ZBTB20: variants seen among roughly 807,000 people sequenced by gnomAD.
ZBTB20 encodes zinc finger and BTB domain-containing protein 20.
A neutral mutation model predicts 56.9 loss-of-function variants in ZBTB20; 9 were observed. That is an observed-to-expected ratio of 0.16 (90% CI 0.10 to 0.28). The LOEUF is 0.28. Ranked by LOEUF, ZBTB20 falls within the 10% of genes least tolerant of loss-of-function variation. The pLI is 1.00. For synonymous variants in ZBTB20, 417 were observed against 420.7 expected, an observed-to-expected ratio of 0.99 and a Z score of 0.11; for missense variants, 655 against 1,003.0, an observed-to-expected ratio of 0.65 and a Z score of 4.69.
chr3:114,966,633 T>G (rs1308672342), intron 3 of ZBTB20, among the ~76,000 whole-genome samples: 1 of 151,978 alleles, frequency 6.6e-6, no homozygotes, highest in African/African-American at 2.4e-5. Flanking sequence ...AGACTGAATC[T>G]CAAATCCAGT....
rs571278674 is a variant in ZBTB20, at chr3:114,532,653, C to T, written c.-294-32262G>A. ...TCGAGCTCTCCTAAGGGACAGATTG[C>T]CTCCTCAAGTGGGTCCCTGACCCCC... On this transcript the variant is annotated intron_variant, in intron 6 of 11. Transcript: ENST00000675478. Among the ~76,000 whole-genome samples the T allele has an allele frequency of 2.6e-5, 4 of 152,340 alleles. No individual in the cohort carries two copies. The South Asian group carries it at 8.3e-4, about 32-fold the overall frequency.
At chr3:115,034,854 C>T (rs561522809) in intron 2 of ZBTB20, among the ~76,000 whole-genome samples, 10 of 151,830 alleles carry the variant, frequency 6.6e-5, no homozygotes, top group East Asian at 1.9e-4. Context: ...CAAAACAGCA[C>T]GGTACTGGCG....
chr3:114,419,733 A>G (rs2088956340), intron 7 of ZBTB20, among the ~76,000 whole-genome samples: 1 of 152,192 alleles, frequency 6.6e-6, no homozygotes, highest in African/African-American at 2.4e-5. Flanking sequence ...TATACAATCT[A>G]CGTTGCCAAA....
chr3:114,586,530 C>T (rs1175067477), intron 6 of ZBTB20, among the ~76,000 whole-genome samples: 1 of 152,186 alleles, frequency 6.6e-6, no homozygotes, highest in South Asian at 2.1e-4. Flanking sequence ...ACCACTTTAG[C>T]TGTTGAGAAG....
At chr3:114,726,705 A>G (rs562729424) in intron 5 of ZBTB20, among the ~76,000 whole-genome samples, 40 of 151,928 alleles carry the variant, frequency 2.6e-4, no homozygotes, top group South Asian at 1.5e-3. Flanking sequence ...GAGGTCAGGA[A>G]ATCATGATCA....
intron 5 of ZBTB20, among the ~76,000 whole-genome samples, chr3:114,773,468 C>T (rs938057313): frequency 2.0e-5 from 3 of 152,040 alleles, no homozygotes; most frequent in South Asian, 2.1e-4. Flanking sequence ...ACATTTTCCC[C>T]GATATTCCTT....
intron 4 of ZBTB20, among the ~76,000 whole-genome samples, chr3:114,870,422 T>C (rs913783887): frequency 7.3e-5 from 11 of 150,504 alleles, no homozygotes; most frequent in African/African-American, 2.7e-4. Context: ...AATCACATAC[T>C]GGTTGACCAT....
In ZBTB20 at chr3:114,674,848, A is replaced by G. The variant is rs565606236; in HGVS notation, c.-295+18680T>C. ...AAATGTGGTATTTGTTTAAATATAT[A>G]CATACATAAACACACACATACACAC... On this transcript the variant is annotated intron_variant, in intron 6 of 11. Transcript: ENST00000675478. 2.3e-4 allele frequency among the ~76,000 whole-genome samples: 35 copies of G among 151,822 alleles called. 1 individual carries two copies. Among genetic ancestry groups the G allele is most frequent in the Admixed American group, 1.6e-3 (24 of 15,228 alleles).
chr3:114,483,093 C>G (rs779323676), intron 7 of ZBTB20, among the ~76,000 whole-genome samples: 9 of 152,206 alleles, frequency 5.9e-5, no homozygotes, highest in Non-Finnish European at 1.3e-4. Context: ...CAGTGAAGAG[C>G]CTTGACAGCA....
At chr3:114,904,575 CTTTA>C in intron 3 of ZBTB20, among the ~76,000 whole-genome samples, 1 of 152,080 alleles carries the variant, frequency 6.6e-6, no homozygotes, top group South Asian at 2.1e-4. Flanking sequence ...AAAATGTACA[CTTTA>C]CTCATCAATA....
intron 4 of ZBTB20, among the ~76,000 whole-genome samples, chr3:114,820,353 T>C (rs1195955838): frequency 6.6e-6 from 1 of 151,994 alleles, no homozygotes; most frequent in Non-Finnish European, 1.5e-5. Context: ...ATACAGACTA[T>C]ACAATCCAAA....
intron 6 of ZBTB20, among the ~76,000 whole-genome samples, chr3:114,614,539 C>A (rs1184786172): frequency 2.0e-5 from 3 of 152,072 alleles, no homozygotes; most frequent in African/African-American, 7.2e-5. Context: ...TGAAAAATCC[C>A]ATTATTACTG....
intron 3 of ZBTB20, among the ~76,000 whole-genome samples, chr3:114,971,963 T>G (rs916527162): frequency 2.0e-5 from 3 of 152,084 alleles, no homozygotes; most frequent in Non-Finnish European, 2.9e-5. Context: ...CTAAGGGAGA[T>G]TCAATGCAAT....
At chr3:114,837,126 C>T (rs927588432) in intron 4 of ZBTB20, among the ~76,000 whole-genome samples, 1 of 152,282 alleles carries the variant, frequency 6.6e-6, no homozygotes, top group Non-Finnish European at 1.5e-5. Flanking sequence ...TCACTCGTAG[C>T]TCAAATATTA....
chr3:114,733,527 C>T (rs1443118461), intron 5 of ZBTB20, among the ~76,000 whole-genome samples: 1 of 152,186 alleles, frequency 6.6e-6, no homozygotes, highest in Non-Finnish European at 1.5e-5. Context: ...AGAGAAGGCA[C>T]TAGTGGTGCC....
At position 114,338,374 on chromosome 3, in the gene ZBTB20, C is replaced by T. The variant is rs1214914559; in HGVS notation, c.*631G>A. 1.3e-5 allele frequency: 2 copies of T among 152,238 alleles called. No individual in the cohort carries two copies. Among genetic ancestry groups the T allele is most frequent in the East Asian group, 3.9e-4 (2 of 5,168 alleles). The allele number at this position is 152,238 out of a possible 1,614,324, so 9.4% of individuals were successfully genotyped here. A position where few individuals can be genotyped will look rare whatever the true frequency, so the allele number is the denominator to read the frequency against. ...GGGCAGAATCTGGGGAAGAAGCCTG[C>T]CATTCGTCTTTCTTTCCCACACCAC... On this transcript the variant is annotated 3_prime_UTR_variant, in exon 12 of 12. Coordinates refer to ENST00000675478, the MANE Select transcript of ZBTB20 (RefSeq NM_001348800.3).
At chr3:114,415,070 C>A (rs1432741349) in intron 7 of ZBTB20, among the ~76,000 whole-genome samples, 2 of 151,950 alleles carry the variant, frequency 1.3e-5, no homozygotes, top group African/African-American at 4.8e-5. Flanking sequence ...AATAGTGACT[C>A]TCACTGGCTA....
At chr3:114,806,303 T>C (rs635625) in intron 4 of ZBTB20, among the ~76,000 whole-genome samples, 150,232 of 151,892 alleles carry the variant, frequency 0.99, 74,323 homozygotes, top group Middle Eastern at 1. Flanking sequence ...GAAGTAGTCT[T>C]TTACGGTTTT....
At chr3:115,091,933 A>G (rs1389992632) in intron 1 of ZBTB20, among the ~76,000 whole-genome samples, 1 of 152,108 alleles carries the variant, frequency 6.6e-6, no homozygotes, top group Admixed American at 6.6e-5. Context: ...TTGCCAAGTT[A>G]TGCATATAAA....
Sources: gnomAD v4.1 joint callset for allele counts (sites outside exome capture counted in the v4.1 genomes callset) on GRCh38, gnomAD v4.1.1 for gene constraint, MANE v1.5 for transcripts, NCBI Gene and HGNC (gene_info 2026-07-23, HGNC 2026-07-21) for gene names.